ITGB3: variants seen among roughly 807,000 people sequenced by gnomAD.
ITGB3 encodes integrin beta-3.
Under a neutral mutation model 85.8 loss-of-function variants are expected in ITGB3, and 48 were observed. That is an observed-to-expected ratio of 0.56 (90% CI 0.44 to 0.71). The LOEUF (loss-of-function observed/expected upper bound fraction) is 0.71. ITGB3 is among the 30% of genes least tolerant of loss of function. The pLI is 0.00. For missense variants in ITGB3, 861 were observed against 1,019.1 expected (o/e 0.84, Z 2.11); for synonymous variants, 363 against 395.6 (o/e 0.92, Z 0.98).
chr17:47,271,686 A>G (rs562869814), intron 1 of ITGB3, among the ~76,000 whole-genome samples: 2 of 152,368 alleles, frequency 1.3e-5, no homozygotes, highest in South Asian at 4.1e-4. Flanking sequence ...ATGTTGTCTT[A>G]GCCAGTTCTA....
At chr17:47,297,316 T>C (rs980260788) in intron 10 of ITGB3, among the ~76,000 whole-genome samples, 1 of 152,058 alleles carries the variant, frequency 6.6e-6, no homozygotes, top group Admixed American at 6.5e-5. Flanking sequence ...CTCTCTGACC[T>C]CAAAGGGTTG....
At position 47,287,039 on chromosome 17, in the gene ITGB3, TCTGC is replaced by T. The variant is rs1567764939; in HGVS notation, c.778-28_778-25del. On this transcript the variant is annotated intron_variant, in intron 5 of 14. Coordinates refer to ENST00000559488, the MANE Select transcript of ITGB3 (RefSeq NM_000212.3). ...ACATGGCTGAATTTGTTTTGTCTCC[TCTGC>T]CTTTGTTTTTTGTTTTCTTTTAACA... 2.5e-6 allele frequency: 4 copies of T among 1,611,640 alleles called. No individual in the cohort carries two copies. In the Admixed American group the frequency reaches 5.0e-5, roughly 20 times the overall value.
chr17:47,300,338 C>CGTGT (rs79567369), intron 11 of ITGB3, 140 bp from the exon 12 acceptor site: 22 of 665,780 alleles, frequency 3.3e-5, no homozygotes, highest in East Asian at 1.4e-4. Context: ...CTTACAGGCG[C>CGTGT]GCGCGCGCGT....
intron 2 of ITGB3, among the ~76,000 whole-genome samples, chr17:47,276,421 C>A (rs1212397137): frequency 6.6e-6 from 1 of 152,004 alleles, no homozygotes; most frequent in Non-Finnish European, 1.5e-5. Flanking sequence ...CTGGGGCAGG[C>A]CTGGGGAGGG....
chr17:47,286,227 T>A lies in ITGB3; in HGVS notation c.615-33T>A, dbSNP rs751076078. ...TCCCATGCTGCCTTTTCCATGAAGG[T>A]GTCTGCTTAAATTATCTCCCATCCC... On this transcript the variant is annotated intron_variant, in intron 4 of 14. Coordinates refer to ENST00000559488, the MANE Select transcript of ITGB3 (RefSeq NM_000212.3). 3.7e-6 allele frequency: 6 copies of A among 1,613,174 alleles called. No homozygotes were observed. In the Admixed American group the frequency reaches 8.3e-5, roughly 22 times the overall value.
intron 14 of ITGB3, among the ~76,000 whole-genome samples, chr17:47,308,374 A>G (rs1043211446): frequency 3.3e-5 from 5 of 152,094 alleles, no homozygotes; most frequent in African/African-American, 9.7e-5. Flanking sequence ...CCAAATGTCC[A>G]GAGTTAGGCT....
At chr17:47,293,344 T>C (rs974535614) in intron 10 of ITGB3, among the ~76,000 whole-genome samples, 1 of 152,232 alleles carries the variant, frequency 6.6e-6, no homozygotes, top group Non-Finnish European at 1.5e-5. Flanking sequence ...CCTGGGGTAC[T>C]TTCCCAGCTA....
intron 6 of ITGB3, among the ~76,000 whole-genome samples, chr17:47,289,319 C>T (rs199724491): frequency 6.6e-6 from 1 of 152,014 alleles, no homozygotes; most frequent in East Asian, 1.9e-4. Flanking sequence ...CTTCTTATCT[C>T]ACTGTCACCC....
chr17:47,300,334 GGCGCGC>G (rs747880536), intron 11 of ITGB3, 138 bp from the exon 12 acceptor site: 4 of 502,010 alleles, frequency 8.0e-6, no homozygotes, highest in African/African-American at 5.5e-5. Flanking sequence ...TTGTCTTACA[GGCGCGC>G]GCGCGCGTGT....
chr17:47,287,360 C>A, intron 6 of ITGB3, 129 bp downstream of exon 6: 1 of 971,514 alleles, frequency 1.0e-6, no homozygotes, highest in Non-Finnish European at 1.6e-6. Context: ...TCGGTTCCAG[C>A]TTGCCCCTAT....
chr17:47,255,611 G>C (rs1189288012), intron 1 of ITGB3, among the ~76,000 whole-genome samples: 1 of 151,920 alleles, frequency 6.6e-6, no homozygotes, highest in Non-Finnish European at 1.5e-5. Context: ...TAGTAGAGAC[G>C]GGATTTCCCC....
chr17:47,290,951 C>A lies in ITGB3; in HGVS notation c.1126-3C>A. 1 of 1,614,118 alleles carries A rather than the reference C, an allele frequency of 6.2e-7. No individual in the cohort carries two copies. Among genetic ancestry groups the A allele is most frequent in the South Asian group, 1.1e-5 (1 of 91,076 alleles). On this transcript the variant is annotated splice_polypyrimidine_tract_variant and splice_region_variant and intron_variant, in intron 8 of 14. Transcript: ENST00000559488. The stretch of plus-strand genomic sequence containing the variant: ...TTGTCTTCTTGTGCCCCTTTCTGCT[C>A]AGAAAATCCGTTCTAAAGTAGAGCT...
intron 1 of ITGB3, among the ~76,000 whole-genome samples, chr17:47,272,239 A>G (rs2065046793): frequency 1.3e-5 from 2 of 151,248 alleles, no homozygotes; most frequent in South Asian, 2.1e-4. Flanking sequence ...GTATTTTAGT[A>G]GAGACAGGGT....
rs116488802 is a variant in ITGB3 at position 47,281,815 on chromosome 17, G to A, written c.166-1539G>A. Among the ~76,000 whole-genome samples the A allele has an allele frequency of 2.3e-3, 343 of 152,290 alleles. 2 individuals are homozygous for A. Among genetic ancestry groups the A allele is most frequent in the African/African-American group, 8.1e-3 (336 of 41,556 alleles). Reference sequence around the variant, plus strand: ...GAGGACTTCCTCTGTGCCAGGTGCTGTCCAATGCATTTTATGTGGATTGTC... The same window carrying A: ...GAGGACTTCCTCTGTGCCAGGTGCTATCCAATGCATTTTATGTGGATTGTC... On this transcript the variant is annotated intron_variant, in intron 2 of 14. Coordinates refer to ENST00000559488, the MANE Select transcript of ITGB3 (RefSeq NM_000212.3).
chr17:47,262,544 G>A (rs2065012116), intron 1 of ITGB3, among the ~76,000 whole-genome samples: 3 of 152,172 alleles, frequency 2.0e-5, no homozygotes, highest in African/African-American at 7.2e-5. Context: ...GGCTGGAAGA[G>A]TGGATACTTC....
chr17:47,273,553 G>C (rs3851806), intron 1 of ITGB3, among the ~76,000 whole-genome samples: 28,977 of 152,130 alleles, frequency 0.19, 2,902 homozygotes, highest in East Asian at 0.32. Flanking sequence ...GCTCCTCCTC[G>C]TAGCCTTTGC....
At chr17:47,301,217 C>A (rs2065166093) in intron 12 of ITGB3, among the ~76,000 whole-genome samples, 1 of 152,222 alleles carries the variant, frequency 6.6e-6, no homozygotes, top group African/African-American at 2.4e-5. Context: ...AGGAGATGAT[C>A]TTTGCTGCTG....
At position 47,291,055 on chromosome 17, in the gene ITGB3, C is replaced by T. The variant is rs1354593180; in HGVS notation, c.1227C>T (p.Leu409=). The T allele has an allele frequency of 1.9e-6, 3 of 1,614,196 alleles. No homozygotes were observed. The Admixed American group carries it at 5.0e-5, about 27-fold the overall frequency. The change falls in exon 9 of 15, where the codon CTC becomes CTT. Residue 409 remains leucine (L), a synonymous_variant. Transcript: ENST00000559488. ...TCLNNEVIPG[L]KSCMGLKIGD... ...TCAACAATGAGGTCATCCCTGGCCT[C>T]AAGTCTTGTATGGGACTCAAGATTG... is the stretch of plus-strand genomic sequence containing the variant.
intron 13 of ITGB3, chr17:47,305,800 T>C (rs941275379): frequency 2.6e-5 from 4 of 152,202 alleles, no homozygotes; most frequent in African/African-American, 7.2e-5. Context: ...TTACAGTGGC[T>C]AAGGAAGCAA....
Sources: gnomAD v4.1 joint callset for allele counts (sites outside exome capture counted in the v4.1 genomes callset) on GRCh38, gnomAD v4.1.1 for gene constraint, MANE v1.5 for transcripts, NCBI Gene and HGNC (gene_info 2026-07-23, HGNC 2026-07-21) for gene names.